TENT2: variants seen among roughly 807,000 people sequenced by gnomAD.
TENT2 encodes the protein terminal nucleotidyltransferase 2.
In TENT2, 44 loss-of-function variants were observed where a neutral mutation model predicts 72.2. The observed-to-expected ratio is 0.61, with a 90% CI of 0.48 to 0.78. The LOEUF is 0.78. Ranked by LOEUF, TENT2 falls within the 30% of genes least tolerant of loss-of-function variation. The pLI is 0.00. For synonymous variants in TENT2, 212 were observed against 192.5 expected, an observed-to-expected ratio of 1.10 and a Z score of -0.84; for missense variants, 541 against 569.6, an observed-to-expected ratio of 0.95 and a Z score of 0.51.
At chr5:79,617,756 C>T (rs968191208) in intron 1 of TENT2, among the ~76,000 whole-genome samples, 3 of 152,138 alleles carry the variant, frequency 2.0e-5, no homozygotes, top group Non-Finnish European at 2.9e-5. Flanking sequence ...AGAGCATTTC[C>T]GTCAGAGATT....
At chr5:79,639,490 A>G (rs1347453843) in intron 4 of TENT2, among the ~76,000 whole-genome samples, 1 of 124,022 alleles carries the variant, frequency 8.1e-6, no homozygotes, top group East Asian at 2.3e-4. Context: ...TTTTTTTTTT[A>G]TATTGACCTA....
chr5:79,641,479 C>A (rs1354617561), intron 6 of TENT2, among the ~76,000 whole-genome samples: 1 of 146,598 alleles, frequency 6.8e-6, no homozygotes, highest in South Asian at 2.2e-4. Flanking sequence ...TTTGAAATGT[C>A]ATTAGTTTGG....
At chr5:79,632,301 A>G (rs1348624012) in intron 4 of TENT2, among the ~76,000 whole-genome samples, 1 of 152,010 alleles carries the variant, frequency 6.6e-6, no homozygotes, top group Non-Finnish European at 1.5e-5. Flanking sequence ...GAAAATGAAT[A>G]CCCTCTGAGT....
chr5:79,627,129 CAA>C (rs58479791), intron 4 of TENT2, among the ~76,000 whole-genome samples: 4 of 128,736 alleles, frequency 3.1e-5, no homozygotes, highest in Admixed American at 7.7e-5. Flanking sequence ...GACTCCGTCT[CAA>C]AAAAAAAAAA....
chr5:79,659,563 T>A (rs1296545242), intron 11 of TENT2, among the ~76,000 whole-genome samples: 3,946 of 64,770 alleles, frequency 0.061, 485 homozygotes, highest in African/African-American at 0.14. Flanking sequence ...AATGTATATA[T>A]ATATATATAT....
intron 11 of TENT2, among the ~76,000 whole-genome samples, chr5:79,661,276 T>C (rs1802689110): frequency 6.6e-6 from 1 of 152,208 alleles, no homozygotes; most frequent in Admixed American, 6.5e-5. Flanking sequence ...TACTCACTCA[T>C]TGACTCACCC....
At chr5:79,669,239 T>G (rs142480387) in intron 12 of TENT2, among the ~76,000 whole-genome samples, 115 of 152,334 alleles carry the variant, frequency 7.5e-4, no homozygotes, top group African/African-American at 2.6e-3. Flanking sequence ...AGATTTTATA[T>G]TCTTAGCTAA....
intron 11 of TENT2, among the ~76,000 whole-genome samples, chr5:79,665,129 A>G (rs532517469): frequency 2.0e-4 from 30 of 152,320 alleles, no homozygotes; most frequent in African/African-American, 6.3e-4. Flanking sequence ...AGAAACTTCA[A>G]GGTATCACTT....
At chr5:79,627,125 G>A (rs1392195314) in intron 4 of TENT2, among the ~76,000 whole-genome samples, 2 of 113,722 alleles carry the variant, frequency 1.8e-5, no homozygotes, top group East Asian at 2.8e-4. Flanking sequence ...GTGAGACTCC[G>A]TCTCAAAAAA....
At chr5:79,621,525 G>A (rs1330321211) in intron 3 of TENT2, among the ~76,000 whole-genome samples, 5 of 152,114 alleles carry the variant, frequency 3.3e-5, no homozygotes, top group East Asian at 1.9e-4. Context: ...TTGGGAGGCC[G>A]AGGCAGGCAG....
intron 3 of TENT2, among the ~76,000 whole-genome samples, 197 bp from the exon 4 acceptor site, chr5:79,623,055 T>A (rs982592914): frequency 2.0e-5 from 2 of 97,930 alleles, no homozygotes; most frequent in Non-Finnish European, 3.6e-5. Flanking sequence ...ATTATTACTA[T>A]TTTTTTTAAG....
chr5:79,634,792 A>T (rs187563955), intron 4 of TENT2, among the ~76,000 whole-genome samples: 1 of 152,226 alleles, frequency 6.6e-6, no homozygotes, highest in Admixed American at 6.5e-5. Flanking sequence ...TAAGCAGATA[A>T]TATTGTAGTG....
intron 7 of TENT2, among the ~76,000 whole-genome samples, chr5:79,643,268 T>C (rs972355328): frequency 5.4e-4 from 83 of 152,312 alleles, no homozygotes; most frequent in African/African-American, 1.9e-3. Context: ...TATAGGACTT[T>C]ATATGTGTGA....
chr5:79,615,348 G>A (rs972443643), intron 1 of TENT2, among the ~76,000 whole-genome samples: 1 of 152,042 alleles, frequency 6.6e-6, no homozygotes, highest in Non-Finnish European at 1.5e-5. Flanking sequence ...AGTTATAGAG[G>A]AAAAACAGCA....
chr5:79,646,260 AG>A lies in TENT2; in HGVS notation c.821+1069del, dbSNP rs1276577191. On this transcript the variant is annotated intron_variant, in intron 8 of 14. Coordinates refer to ENST00000453514, the MANE Select transcript of TENT2 (RefSeq NM_001114394.3). Reference sequence around the variant, plus strand: ...TAGGCTTCGCTCAGGCATGAGTTATAGTACTCTTGGCCATGAGTCCACTGTT... The same window carrying A: ...TAGGCTTCGCTCAGGCATGAGTTATATACTCTTGGCCATGAGTCCACTGTT... Among the ~76,000 whole-genome samples, 7 of 152,180 alleles carry A rather than the reference AG, an allele frequency of 4.6e-5. 1 individual carries two copies.
intron 14 of TENT2, among the ~76,000 whole-genome samples, chr5:79,684,359 T>C (rs958518629): frequency 5.3e-5 from 8 of 152,176 alleles, no homozygotes; most frequent in African/African-American, 1.9e-4. Context: ...CTGCGCTCAA[T>C]GATCCTCCCA....
intron 11 of TENT2, among the ~76,000 whole-genome samples, chr5:79,662,344 C>A (rs1803664905): frequency 6.6e-6 from 1 of 152,108 alleles, no homozygotes; most frequent in African/African-American, 2.4e-5. Context: ...GATATTTTGA[C>A]CTCCCATGAA....
intron 3 of TENT2, among the ~76,000 whole-genome samples, chr5:79,621,218 A>G (rs1377575189): frequency 6.6e-6 from 1 of 152,164 alleles, no homozygotes; most frequent in Non-Finnish European, 1.5e-5. Context: ...GGTAGATACT[A>G]TTATCCCTTG....
intron 14 of TENT2, 140 bp downstream of exon 14, chr5:79,682,201 G>T: frequency 2.0e-6 from 1 of 509,318 alleles, no homozygotes; most frequent in Non-Finnish European, 3.4e-6. Flanking sequence ...CTTATTATTT[G>T]AATTTAGTTA....
Sources: gnomAD v4.1 joint callset for allele counts (sites outside exome capture counted in the v4.1 genomes callset) on GRCh38, gnomAD v4.1.1 for gene constraint, MANE v1.5 for transcripts, NCBI Gene and HGNC (gene_info 2026-07-23, HGNC 2026-07-21) for gene names.